The following DIAPH2 variants were observed in gnomAD, a reference collection of about 807,000 sequenced individuals.
DIAPH2 encodes the protein diaphanous related formin 2, also known as protein diaphanous homolog 2.
DIAPH2 carries 35 observed loss-of-function variants against 92.7 expected under a neutral mutation model. That is an observed-to-expected ratio of 0.38 (90% CI 0.29 to 0.50). The LOEUF is 0.50. DIAPH2 is among the 20% of genes least tolerant of loss of function. The pLI is 0.94. For missense variants in DIAPH2, 701 were observed against 819.5 expected (o/e 0.86, Z 1.77); for synonymous variants, 301 against 280.4 (o/e 1.07, Z -0.73).
intron 21 of DIAPH2, among the ~76,000 whole-genome samples, chrX:97,128,798 T>G: frequency 8.9e-6 from 1 of 112,318 alleles, no homozygotes; most frequent in Non-Finnish European, 1.9e-5. Context: ...TTACTTTGTG[T>G]TGTTAGTGAC....
intron 3 of DIAPH2, among the ~76,000 whole-genome samples, chrX:96,756,911 CTT>C (rs1172916942): frequency 3.6e-3 from 212 of 58,748 alleles, no homozygotes; most frequent in African/African-American, 8.5e-3. Flanking sequence ...ATTTATATAT[CTT>C]TTTTTTTTTT....
chrX:96,842,670 A>G (rs923761381), intron 4 of DIAPH2, among the ~76,000 whole-genome samples: 1 of 112,121 alleles, frequency 8.9e-6, no homozygotes. Flanking sequence ...AAATGAAACT[A>G]AGTAAAGTGG....
In DIAPH2 at chrX:96,702,312, A is replaced by G. The variant is rs187302652; in HGVS notation, c.132+17122A>G. ...CTACCTCTGAAATTCTTCATGTTCA[A>G]TAGTTAATCTAATTTAATAAATGTT... On this transcript the variant is annotated intron_variant, in intron 1 of 26. Coordinates refer to ENST00000324765, the MANE Select transcript of DIAPH2 (RefSeq NM_006729.5). Among the ~76,000 whole-genome samples, 383 of 111,984 alleles carry G rather than the reference A, an allele frequency of 3.4e-3. 2 individuals are homozygous for G. The highest frequency in any genetic ancestry group is 0.012 in the African/African-American group (371 of 30,827).
In DIAPH2 at chrX:97,577,133, C is replaced by A. The variant is rs1338562057; in HGVS notation, c.3242-22120C>A. 3.6e-5 allele frequency among the ~76,000 whole-genome samples: 4 copies of A among 111,862 alleles called. No homozygotes were observed. The East Asian group carries it at 1.1e-3, about 31-fold the overall frequency. On this transcript the variant is annotated intron_variant, in intron 26 of 26. Coordinates refer to ENST00000324765, the MANE Select transcript of DIAPH2 (RefSeq NM_006729.5). ...TACATATTAACCTTTTCCTTCAACA[C>A]CCCTAAGAACAGAAAGCTGTCTCTA...
chrX:97,063,631 T>G lies in DIAPH2; in HGVS notation c.2051-9310T>G, dbSNP rs757378895. Among the ~76,000 whole-genome samples, 4 of 112,317 alleles carry G rather than the reference T, an allele frequency of 3.6e-5. No homozygotes were observed. The East Asian group carries it at 1.1e-3, about 31-fold the overall frequency. On this transcript the variant is annotated intron_variant, in intron 17 of 26. Transcript: ENST00000324765. ...ACACATTCAAAAACCATGAGGAGTA[T>G]AAATGTGTTTGATTATGTGTATCCT...
At chrX:96,912,959 A>AT (rs767191334) in intron 7 of DIAPH2, among the ~76,000 whole-genome samples, 2,260 of 103,936 alleles carry the variant, frequency 0.022, 28 homozygotes, top group Non-Finnish European at 0.028. Flanking sequence ...AGTTTTCTCG[A>AT]TTTTTTTTTT....
intron 22 of DIAPH2, among the ~76,000 whole-genome samples, chrX:97,191,731 G>T (rs988387741): frequency 1.8e-5 from 2 of 111,573 alleles, no homozygotes; most frequent in South Asian, 7.5e-4. Flanking sequence ...ACTTTAGTTC[G>T]CTTAATTTTT....
chrX:97,377,362 C>T (rs1322040511), intron 24 of DIAPH2, among the ~76,000 whole-genome samples: 1 of 112,104 alleles, frequency 8.9e-6, no homozygotes, highest in East Asian at 2.8e-4. Flanking sequence ...TTTTATAGGA[C>T]TGGTAATGCA....
chrX:97,522,827 G>T (rs1171183988), intron 26 of DIAPH2, among the ~76,000 whole-genome samples: 1 of 112,508 alleles, frequency 8.9e-6, no homozygotes, highest in Non-Finnish European at 1.9e-5. Flanking sequence ...CCTATTTGGA[G>T]AAATAAGATA....
At chrX:96,867,107 T>C (rs2065109230) in intron 4 of DIAPH2, among the ~76,000 whole-genome samples, 1 of 112,111 alleles carries the variant, frequency 8.9e-6, no homozygotes, top group African/African-American at 3.2e-5. Flanking sequence ...AACTATGACA[T>C]GATATATAGC....
chrX:97,558,175 G>T (rs747821335), intron 26 of DIAPH2, among the ~76,000 whole-genome samples: 1 of 112,025 alleles, frequency 8.9e-6, no homozygotes, highest in Non-Finnish European at 1.9e-5. Flanking sequence ...AGTCTAGTTG[G>T]GGAGACCAAG....
At chrX:97,402,862 A>T (rs1479049776) in intron 25 of DIAPH2, among the ~76,000 whole-genome samples, 1 of 106,307 alleles carries the variant, frequency 9.4e-6, no homozygotes, top group Admixed American at 1.0e-4. Context: ...AATTTTGAAG[A>T]CCCTGTAATC....
At chrX:96,871,140 A>G (rs2065138698) in intron 4 of DIAPH2, among the ~76,000 whole-genome samples, 1 of 111,660 alleles carries the variant, frequency 9.0e-6, no homozygotes, top group African/African-American at 3.3e-5. Context: ...CCATTTTTTA[A>G]AGTCACTATT....
intron 25 of DIAPH2, among the ~76,000 whole-genome samples, chrX:97,419,008 T>C (rs146705597): frequency 9.0e-6 from 1 of 111,632 alleles, no homozygotes; most frequent in Non-Finnish European, 1.9e-5. Flanking sequence ...GAGGCCTTGT[T>C]TTACTGATGT....
chrX:97,373,004 G>T (rs1397958868), intron 24 of DIAPH2, among the ~76,000 whole-genome samples: 2 of 110,692 alleles, frequency 1.8e-5, no homozygotes, highest in Admixed American at 9.6e-5. Context: ...GAAAAGCCGT[G>T]TAACACTGTT....
At chrX:96,941,439 G>C (rs749896925) in intron 12 of DIAPH2, among the ~76,000 whole-genome samples, 50 of 111,908 alleles carry the variant, frequency 4.5e-4, no homozygotes, top group Non-Finnish European at 9.4e-5. Context: ...CAATAGCCAT[G>C]CATATTAAGT....
chrX:97,522,803 T>G (rs1025818000), intron 26 of DIAPH2, among the ~76,000 whole-genome samples: 1 of 112,610 alleles, frequency 8.9e-6, no homozygotes, highest in Non-Finnish European at 1.9e-5. Flanking sequence ...CTCCTGCCCA[T>G]GAACACTTCT....
At chrX:97,178,443 CTTTTTTTTTTTTTT>C (rs766983375) in intron 22 of DIAPH2, among the ~76,000 whole-genome samples, 2 of 67,289 alleles carry the variant, frequency 3.0e-5, no homozygotes, top group Non-Finnish European at 5.3e-5. Flanking sequence ...CTATATTTCT[CTTTTTTTTTTTTTT>C]TTTTTTTTTT....
At chrX:96,908,659 C>T (rs1469433583) in intron 5 of DIAPH2, among the ~76,000 whole-genome samples, 7 of 110,130 alleles carry the variant, frequency 6.4e-5, no homozygotes, top group Admixed American at 5.8e-4. Context: ...AGTGCAGTGG[C>T]GCGATTTCAG....
Sources: allele counts gnomAD v4.1 joint callset (sites outside exome capture counted in the v4.1 genomes callset), GRCh38; gene constraint gnomAD v4.1.1; transcripts MANE v1.5; gene names NCBI Gene and HGNC (gene_info 2026-07-23, HGNC 2026-07-21).